The following PCDHB15 variants were observed in gnomAD, a reference collection of about 807,000 sequenced individuals.
PCDHB15 encodes protocadherin beta-15.
For missense variants in PCDHB15, 1,032 were observed against 991.7 expected, an observed-to-expected ratio of 1.04 and a Z score of -0.55; for synonymous variants, 492 against 447.9, an observed-to-expected ratio of 1.10 and a Z score of -1.24.
Position 141,248,068 on chromosome 5 carries a change from T to A in PCDHB15, c.*126T>A. On this transcript the variant is annotated 3_prime_UTR_variant, in exon 1 of 1. Coordinates refer to ENST00000231173, the MANE Select transcript of PCDHB15 (RefSeq NM_018935.4). ...TTTAAATTTCTACTGTTGTCTTTAG[T>A]AATGTTACTCATTTCCTTTGTCTGA... The A allele has an allele frequency of 1.2e-6, 1 of 843,912 alleles. No homozygotes were observed. Among genetic ancestry groups the A allele is most frequent in the Non-Finnish European group, 1.7e-6 (1 of 572,648 alleles). The allele number at this position is 843,912 out of a possible 1,614,324, so 52.3% of individuals were successfully genotyped here.
At position 141,247,852 on chromosome 5, in the gene PCDHB15, C is replaced by T; in HGVS notation, c.2274C>T (p.Gly758=). 1.2e-6 allele frequency: 2 copies of T among 1,614,206 alleles called. No homozygotes were observed. The highest frequency in any genetic ancestry group is 2.2e-5 in the South Asian group (2 of 91,082). Residue 758 remains glycine, a synonymous_variant, in exon 1 of 1, where the codon GGC becomes GGT. Transcript: ENST00000231173. ...SYQYEVCLTG[G]SESNDFKFLK... ...AGTACGAGGTGTGTCTGACGGGAGGCTCTGAAAGTAATGATTTCAAGTTCT... is the reference window on the plus strand; with the variant it reads ...AGTACGAGGTGTGTCTGACGGGAGGTTCTGAAAGTAATGATTTCAAGTTCT...
chr5:141,247,909 G>T lies in PCDHB15; in HGVS notation c.2331G>T (p.Gln777His). Residue 777 changes from glutamine to histidine, a missense_variant, in exon 1 of 1, where the codon CAG becomes CAT. Coordinates refer to ENST00000231173, the MANE Select transcript of PCDHB15 (RefSeq NM_018935.4). ...LKPIFPNIVS[Q>H]DSRRKSEFLE ...CTATATTCCCAAATATTGTAAGCCAGGACTCTAGGAGGAAATCAGAATTTC... is the reference window on the plus strand; with the variant it reads ...CTATATTCCCAAATATTGTAAGCCATGACTCTAGGAGGAAATCAGAATTTC... 6.2e-7 allele frequency: 1 copy of T among 1,611,754 alleles called. No homozygotes were observed. Among genetic ancestry groups the T allele is most frequent in the Non-Finnish European group, 8.5e-7 (1 of 1,178,596 alleles).
rs1468124231 is a variant in PCDHB15, at chr5:141,246,365, A to T, written c.787A>T (p.Lys263Ter). 1.2e-6 allele frequency: 2 copies of T among 1,613,984 alleles called. No homozygotes were observed. The highest frequency in any genetic ancestry group is 2.7e-5 in the African/African-American group (2 of 74,936). The change falls in exon 1 of 1, where the codon AAG becomes TAG. Residue 263 changes from lysine to a stop codon, truncating the protein, a stop_gained. Coordinates refer to ENST00000231173, the MANE Select transcript of PCDHB15 (RefSeq NM_018935.4). LOFTEE classifies it low-confidence loss of function (END_TRUNC). ...ENSPVGSLVV[K>*]VSARDLDTGT... ...CAGCCCAGTAGGCTCCCTAGTTGTC[A>T]AGGTCTCTGCTAGGGATTTAGACAC...
At position 141,248,020 on chromosome 5, in the gene PCDHB15, A is replaced by G; in HGVS notation, c.*78A>G. On this transcript the variant is annotated 3_prime_UTR_variant, in exon 1 of 1. Transcript: ENST00000231173. ...TCACCTTAGTTTTTTTTAACCCTTT[A>G]GTAATCTTGAATTCTACTTTTTTTT... is the stretch of plus-strand genomic sequence containing the variant. The G allele has an allele frequency of 1.4e-6, 2 of 1,385,086 alleles. No individual in the cohort carries two copies. Among genetic ancestry groups the G allele is most frequent in the Non-Finnish European group, 1.9e-6 (2 of 1,028,362 alleles). The allele number at this position is 1,385,086 out of a possible 1,614,324, so 85.8% of individuals were successfully genotyped here.
rs782532164 is a variant in PCDHB15, at chr5:141,245,812, T to C, written c.234T>C (p.Asp78=). The change falls in exon 1 of 1, where the codon GAT becomes GAC. Residue 78 remains aspartate, a synonymous_variant. Transcript: ENST00000231173. The part of the protein sequence containing the change: ...SEDNEQGLQL[D]LQTGQLILNE... ...ATAACGAACAAGGCTTGCAGCTTGA[T>C]CTGCAGACCGGGCAGTTGATATTAA... The C allele has an allele frequency of 1.2e-5, 19 of 1,614,036 alleles. No individual in the cohort carries two copies. Among genetic ancestry groups the C allele is most frequent in the African/African-American group, 1.3e-5 (1 of 74,912 alleles).
chr5:141,246,608 T>C lies in PCDHB15; in HGVS notation c.1030T>C (p.Phe344Leu), dbSNP rs782342903. Reference sequence around the variant, plus strand: ...TAAGGTGCTGGATGTTAACGATAACTTCCCGGAACTAAGTATTTCATCACT... The same window carrying C: ...TAAGGTGCTGGATGTTAACGATAACCTCCCGGAACTAAGTATTTCATCACT... ...SVKVLDVNDN[F>L]PELSISSLTS... The change falls in exon 1 of 1, where the codon TTC becomes CTC. Residue 344 changes from phenylalanine to leucine, a missense_variant. Transcript: ENST00000231173. 6.2e-7 allele frequency: 1 copy of C among 1,614,050 alleles called. No individual in the cohort carries two copies. Among genetic ancestry groups the C allele is most frequent in the African/African-American group, 1.3e-5 (1 of 74,906 alleles).
chr5:141,248,791 C>T lies in PCDHB15; in HGVS notation c.*849C>T, dbSNP rs934785711. On this transcript the variant is annotated 3_prime_UTR_variant, in exon 1 of 1. Transcript: ENST00000231173. The stretch of plus-strand genomic sequence containing the variant: ...AGCTTCTGATGGTACAGTATGCCAA[C>T]ATCTACTTGTTTTGGATGGCAACAT... The T allele has an allele frequency of 1.3e-5, 2 of 152,254 alleles. No individual in the cohort carries two copies. The highest frequency in any genetic ancestry group is 3.9e-4 in the East Asian group (2 of 5,168). The allele number at this position is 152,254 out of a possible 1,614,324, so 9.4% of individuals were successfully genotyped here. A position where few individuals can be genotyped will look rare whatever the true frequency, so the allele number is the denominator to read the frequency against.
chr5:141,246,989 G>T lies in PCDHB15; in HGVS notation c.1411G>T (p.Gly471Cys), dbSNP rs368646168. 1.2e-6 allele frequency: 2 copies of T among 1,613,266 alleles called. No individual in the cohort carries two copies. Among genetic ancestry groups the T allele is most frequent in the Non-Finnish European group, 1.7e-6 (2 of 1,180,006 alleles). Residue 471 changes from glycine to cysteine, a missense_variant, in exon 1 of 1, where the codon GGC (glycine) becomes TGC (cysteine). Transcript: ENST00000231173. ...RENNSPALHI[G>C]SVSATDRDSG... is the part of the protein sequence containing the mutation. ...GAACAACAGCCCCGCCCTGCACATC[G>T]GCAGTGTCAGCGCCACAGACAGAGA...
Position 141,247,555 on chromosome 5 carries a change from A to C in PCDHB15, c.1977A>C (p.Gln659His), listed in dbSNP as rs146933408. The change falls in exon 1 of 1, where the codon CAA (glutamine) becomes CAC (histidine). Residue 659 changes from glutamine to histidine, a missense_variant. Coordinates refer to ENST00000231173, the MANE Select transcript of PCDHB15 (RefSeq NM_018935.4). ...EPPRSATATL[Q>H]VLLVDGFSQP... is the part of the protein sequence containing the mutation. The stretch of plus-strand genomic sequence containing the variant: ...CGCGCTCGGCCACCGCCACGCTGCA[A>C]GTGCTCCTGGTGGACGGCTTCTCTC... 215 of 1,609,208 alleles carry C rather than the reference A, an allele frequency of 1.3e-4. 1 individual carries two copies. The highest frequency in any genetic ancestry group is 9.4e-4 in the East Asian group (42 of 44,872).
rs1755244464 is a variant in PCDHB15 at position 141,245,868 on chromosome 5, G to A, written c.290G>A (p.Gly97Asp). ...NEKLDREKLC[G>D]PTEPCIMHFQ... The stretch of plus-strand genomic sequence containing the variant: ...AAGCTGGACCGGGAGAAGCTGTGTG[G>A]CCCTACTGAGCCCTGTATAATGCAT... The change falls in exon 1 of 1, where the codon GGC becomes GAC. Residue 97 changes from glycine to aspartate, a missense_variant. Transcript: ENST00000231173. 1 of 1,614,018 alleles carries A rather than the reference G, an allele frequency of 6.2e-7. No individual in the cohort carries two copies. The highest frequency in any genetic ancestry group is 1.3e-5 in the African/African-American group (1 of 74,900).
In PCDHB15 at chr5:141,245,712, T is replaced by C. The variant is rs1554291772; in HGVS notation, c.134T>C (p.Val45Ala). Reference protein sequence around the residue: ...VMEETERGSFVANLANDLGLG... With the variant: ...VMEETERGSFAANLANDLGLG... ...GAGGAAACAGAGAGAGGTTCTTTTG[T>C]AGCCAACCTGGCCAATGACCTAGGG... The change falls in exon 1 of 1, where the codon GTA becomes GCA. Residue 45 changes from valine to alanine, a missense_variant. Val to Ala is a moderately conservative substitution (Grantham distance 64, BLOSUM62 0). Coordinates refer to ENST00000231173, the MANE Select transcript of PCDHB15 (RefSeq NM_018935.4). 1.9e-6 allele frequency: 3 copies of C among 1,614,078 alleles called. No individual in the cohort carries two copies. The highest frequency in any genetic ancestry group is 1.3e-5 in the African/African-American group (1 of 74,938).
At position 141,247,324 on chromosome 5, in the gene PCDHB15, G is replaced by C. The variant is rs782181903; in HGVS notation, c.1746G>C (p.Pro582=). Residue 582 remains proline (P), a synonymous_variant, in exon 1 of 1, where the codon CCG becomes CCC. Transcript: ENST00000231173. The stretch of plus-strand genomic sequence containing the variant: ...AGCTGGTGCCCCGGGCGGCCGAGCC[G>C]GGCTACCTGGTGACCAAGGTGGTGG... ...CTELVPRAAE[P]GYLVTKVVAV... 1.2e-6 allele frequency: 2 copies of C among 1,607,688 alleles called. No homozygotes were observed. Among genetic ancestry groups the C allele is most frequent in the South Asian group, 2.2e-5 (2 of 90,872 alleles).
At position 141,248,025 on chromosome 5, in the gene PCDHB15, T is replaced by A; in HGVS notation, c.*83T>A. The A allele has an allele frequency of 1.5e-6, 2 of 1,337,842 alleles. No homozygotes were observed. Among genetic ancestry groups the A allele is most frequent in the Non-Finnish European group, 2.0e-6 (2 of 991,198 alleles). The allele number at this position is 1,337,842 out of a possible 1,614,324, so 82.9% of individuals were successfully genotyped here. ...TTAGTTTTTTTTAACCCTTTAGTAA[T>A]CTTGAATTCTACTTTTTTTTAAATT... On this transcript the variant is annotated 3_prime_UTR_variant, in exon 1 of 1. Transcript: ENST00000231173.
In PCDHB15 at chr5:141,247,054, G is replaced by A. The variant is rs1554292094; in HGVS notation, c.1476G>A (p.Pro492=). The part of the protein sequence containing the change: ...TNAQVTYSLL[P]PRDPHLPLTS... ...CCCAGGTCACCTACTCGCTGCTGCC[G>A]CCCCGGGACCCGCACCTGCCCCTCA... is the stretch of plus-strand genomic sequence containing the variant. Residue 492 remains proline, a synonymous_variant, in exon 1 of 1, where the codon CCG becomes CCA. Coordinates refer to ENST00000231173, the MANE Select transcript of PCDHB15 (RefSeq NM_018935.4). 6.2e-7 allele frequency: 1 copy of A among 1,613,702 alleles called. No individual in the cohort carries two copies. Among genetic ancestry groups the A allele is most frequent in the Non-Finnish European group, 8.5e-7 (1 of 1,180,020 alleles).
Position 141,246,570 on chromosome 5 carries a change from GCT to G in PCDHB15, c.995_996del (p.Ser332CysfsTer4). 1 of 1,614,186 alleles carries G rather than the reference GCT, an allele frequency of 6.2e-7. No homozygotes were observed. Among genetic ancestry groups the G allele is most frequent in the South Asian group, 1.1e-5 (1 of 91,074 alleles). On this transcript the variant is annotated frameshift_variant, in exon 1 of 1. Transcript: ENST00000231173. LOFTEE classifies it low-confidence loss of function (END_TRUNC). ...GATGGCGGGGGACTTTCTGGAAAAT[GCT>G]CTGTCTCTGTTAAGGTGCTGGATGT...
In PCDHB15 at chr5:141,247,262, C is replaced by T. The variant is rs1358666393; in HGVS notation, c.1684C>T (p.Leu562=). ...CGCCAACGACAACTCGCCCTTCGTG[C>T]TGTACCCGCTGCAGAACGGCTCCGC... is the stretch of plus-strand genomic sequence containing the variant. ...LDANDNSPFV[L]YPLQNGSAPC... The change falls in exon 1 of 1, where the codon CTG becomes TTG. Residue 562 remains leucine, a synonymous_variant. Transcript: ENST00000231173. 5.0e-6 allele frequency: 8 copies of T among 1,611,132 alleles called. No homozygotes were observed. Among genetic ancestry groups the T allele is most frequent in the South Asian group, 4.4e-5 (4 of 90,968 alleles).
Position 141,246,802 on chromosome 5 carries a change from G to T in PCDHB15, c.1224G>T (p.Ala408=). 6.2e-7 allele frequency: 1 copy of T among 1,614,120 alleles called. No homozygotes were observed. The highest frequency in any genetic ancestry group is 8.5e-7 in the Non-Finnish European group (1 of 1,180,010). ...ENFYRLVTEG[A]LDRETRAEYN... The stretch of plus-strand genomic sequence containing the variant: ...TCTACAGGCTGGTAACAGAAGGGGC[G>T]CTGGACAGAGAGACCAGAGCCGAGT... The change falls in exon 1 of 1, where the codon GCG becomes GCT. Residue 408 remains alanine, a synonymous_variant. Transcript: ENST00000231173.
rs141887199 is a variant in PCDHB15 at position 141,247,150 on chromosome 5, G to T, written c.1572G>T (p.Leu524=). ...FALQSLDYEA[L]QAFEFRVGAT... is the part of the protein sequence containing the mutation. ...TCCAGTCGCTGGACTACGAGGCCCT[G>T]CAGGCTTTCGAGTTCCGCGTGGGCG... Residue 524 remains leucine, a synonymous_variant, in exon 1 of 1, where the codon CTG becomes CTT. Coordinates refer to ENST00000231173, the MANE Select transcript of PCDHB15 (RefSeq NM_018935.4). 7,095 of 1,613,794 alleles carry T rather than the reference G, an allele frequency of 4.4e-3. 38 individuals carry two copies. Among genetic ancestry groups the T allele is most frequent in the South Asian group, 5.5e-3 (503 of 91,072 alleles).
Position 141,245,676 on chromosome 5 carries a change from A to G in PCDHB15, c.98A>G (p.Tyr33Cys), listed in dbSNP as rs976889447. ...CTGGCAGGCTGGGAACCCCGTCGCT[A>G]TTCTGTGATGGAGGAAACAGAGAGA... is the stretch of plus-strand genomic sequence containing the variant. Reference protein sequence around the residue: ...VTLAGWEPRRYSVMEETERGS... With the variant: ...VTLAGWEPRRCSVMEETERGS... Residue 33 changes from tyrosine (Y) to cysteine (C), a missense_variant, in exon 1 of 1, where the codon TAT (tyrosine) becomes TGT (cysteine). By Grantham distance (194) the Tyr-to-Cys change is radical. Coordinates refer to ENST00000231173, the MANE Select transcript of PCDHB15 (RefSeq NM_018935.4). 3.2e-5 allele frequency: 51 copies of G among 1,614,068 alleles called. No individual in the cohort carries two copies. The highest frequency in any genetic ancestry group is 4.2e-5 in the Non-Finnish European group (50 of 1,180,026).
Sources: allele counts gnomAD v4.1 joint callset, GRCh38; gene constraint gnomAD v4.1.1; transcripts MANE v1.5; gene names NCBI Gene and HGNC (gene_info 2026-07-23, HGNC 2026-07-21).